The following TAF8 variants were observed in gnomAD, a reference collection of about 807,000 sequenced individuals.
The protein encoded by TAF8 is TATA-box binding protein associated factor 8.
Under a neutral mutation model 36.5 loss-of-function variants are expected in TAF8, and 47 were observed. The observed-to-expected ratio is 1.29, with a 90% CI of 1.02 to 1.64. The LOEUF (loss-of-function observed/expected upper bound fraction) is 1.64. Ranked by LOEUF, TAF8 falls within the 40% of genes most tolerant of loss-of-function variation. The pLI is 0.00. For missense variants in TAF8, 420 were observed against 407.6 expected, an observed-to-expected ratio of 1.03 and a Z score of -0.26; for synonymous variants, 175 against 159.5, an observed-to-expected ratio of 1.10 and a Z score of -0.73.
At chr6:42,060,757 A>G (rs983642916) in intron 5 of TAF8, among the ~76,000 whole-genome samples, 2 of 152,184 alleles carry the variant, frequency 1.3e-5, no homozygotes, top group Admixed American at 6.5e-5. Context: ...TAAAATAACC[A>G]ATTTCTCCAA....
At chr6:42,050,950 C>A in intron 1 of TAF8, 1 of 1,113,442 alleles carries the variant, frequency 9.0e-7, no homozygotes, top group Non-Finnish European at 1.1e-6. Context: ...CCTCTCCTCG[C>A]GGTCACCTCT....
chr6:42,066,867 A>G (rs575510170), intron 6 of TAF8, among the ~76,000 whole-genome samples: 3 of 152,244 alleles, frequency 2.0e-5, no homozygotes, highest in African/African-American at 7.2e-5. Flanking sequence ...TTCATTTCCA[A>G]AGACCTCAGT....
chr6:42,075,354 G>T (rs925079449), intron 7 of TAF8, among the ~76,000 whole-genome samples: 4 of 152,176 alleles, frequency 2.6e-5, no homozygotes, highest in African/African-American at 9.7e-5. Flanking sequence ...ACTGGATTGG[G>T]TGCTGGAGAG....
chr6:42,069,170 C>G (rs990450138), intron 7 of TAF8, among the ~76,000 whole-genome samples: 1 of 152,060 alleles, frequency 6.6e-6, no homozygotes, highest in African/African-American at 2.4e-5. Context: ...CGAGAGGGCC[C>G]ACGGGGAGTC....
downstream of TAF8, chr6:42,086,579 C>T: frequency 1.2e-6 from 1 of 852,302 alleles, no homozygotes; most frequent in South Asian, 1.5e-5. Context: ...GAGAAACAAA[C>T]CTTTTAAATC....
rs895522876 is a variant in TAF8 at position 42,079,511 on chromosome 6, A to G, written c.*1966A>G. ...GATGAATAAGCTTGTTTCCCAAATT[A>G]GAATCCTAACGTCCATATTTAGCTT... On this transcript the variant is annotated 3_prime_UTR_variant, in exon 9 of 9. Coordinates refer to ENST00000372977, the MANE Select transcript of TAF8 (RefSeq NM_138572.3). The G allele has an allele frequency of 5.2e-5, 51 of 985,420 alleles. No homozygotes were observed. The African/African-American group carries it at 8.7e-4, about 17-fold the overall frequency. The allele number at this position is 985,420 out of a possible 1,614,324, so 61.0% of individuals were successfully genotyped here.
chr6:42,055,490 A>G, intron 2 of TAF8, 41 bp from the exon 3 acceptor site: 2 of 1,350,960 alleles, frequency 1.5e-6, no homozygotes. Flanking sequence ...TAACTTTCTG[A>G]GGAACTGAGA....
intron 7 of TAF8, among the ~76,000 whole-genome samples, chr6:42,075,083 C>T (rs959852196): frequency 1.1e-4 from 17 of 152,184 alleles, no homozygotes; most frequent in East Asian, 5.8e-4. Context: ...ATTGAAGGCA[C>T]GGTTGAAGTG....
chr6:42,057,460 A>G lies in TAF8; in HGVS notation c.436A>G (p.Ile146Val), dbSNP rs1475776722. The G allele has an allele frequency of 6.2e-7, 1 of 1,614,108 alleles. No homozygotes were observed. Reference protein sequence around the residue: ...AGQNRPHPPHIPSHFPEFPDP... With the variant: ...AGQNRPHPPHVPSHFPEFPDP... ...GCAGAACCGACCCCACCCGCCGCACATCCCCAGCCATTTTCCTGAGTTCCC... is the reference window on the plus strand; with the variant it reads ...GCAGAACCGACCCCACCCGCCGCACGTCCCCAGCCATTTTCCTGAGTTCCC... Residue 146 changes from isoleucine to valine, a missense_variant, in exon 5 of 9, where the codon ATC becomes GTC. By Grantham distance (29) the Ile-to-Val change is conservative. Coordinates refer to ENST00000372977, the MANE Select transcript of TAF8 (RefSeq NM_138572.3).
intron 5 of TAF8, 73 bp from the exon 6 acceptor site, chr6:42,066,239 G>T: frequency 5.1e-6 from 8 of 1,580,468 alleles, no homozygotes; most frequent in Non-Finnish European, 6.9e-6. Context: ...CATAGCAACA[G>T]CAAGCCAGGG....
chr6:42,071,154 A>G lies in TAF8; in HGVS notation c.780+2547A>G, dbSNP rs552544373. ...CCATATTCAACCATCCTTTAAAATC[A>G]GCACTAGTTTGGATGCCTTAGTGGC... On this transcript the variant is annotated intron_variant, in intron 7 of 8. Transcript: ENST00000372977. Among the ~76,000 whole-genome samples, 51 of 152,206 alleles carry G rather than the reference A, an allele frequency of 3.4e-4. 1 individual carries two copies. In the South Asian group the frequency reaches 8.9e-3, roughly 27 times the overall value.
intron 7 of TAF8, among the ~76,000 whole-genome samples, chr6:42,073,745 ATGGGAGT>A (rs1765661087): frequency 6.6e-6 from 1 of 151,982 alleles, no homozygotes; most frequent in Admixed American, 6.6e-5. Flanking sequence ...ACTAAGAGAG[ATGGGAGT>A]TGTGGGAGGG....
chr6:42,051,117 C>T lies in TAF8; in HGVS notation c.46-240C>T, dbSNP rs867269335. 218 of 1,184,234 alleles carry T rather than the reference C, an allele frequency of 1.8e-4. 1 individual carries two copies. The Middle Eastern group carries it at 2.8e-3, about 15-fold the overall frequency. 73.4% of individuals were successfully genotyped at this position (1,184,234 alleles called of 1,614,324 possible). A position where few individuals can be genotyped will look rare whatever the true frequency, so the allele number is the denominator to read the frequency against. On this transcript the variant is annotated intron_variant, in intron 1 of 8. Transcript: ENST00000372977. Reference sequence around the variant, plus strand: ...TCTGCTAAAGTAGAAAGTAAAAGACCTGCTATTTTATCTCATTGGGACTGT... The same window carrying T: ...TCTGCTAAAGTAGAAAGTAAAAGACTTGCTATTTTATCTCATTGGGACTGT...
At chr6:42,053,554 A>G (rs951565834) in intron 2 of TAF8, among the ~76,000 whole-genome samples, 3 of 143,940 alleles carry the variant, frequency 2.1e-5, no homozygotes, top group Admixed American at 7.4e-5. Context: ...AACAAGAGCG[A>G]AACTCCGTCT....
intron 4 of TAF8, among the ~76,000 whole-genome samples, chr6:42,056,665 C>T (rs532670981): frequency 6.6e-6 from 1 of 152,272 alleles, no homozygotes; most frequent in South Asian, 2.1e-4. Context: ...TGCAGTGGCA[C>T]AATCTCGGCT....
chr6:42,065,359 TAATAA>T (rs1765326041), intron 5 of TAF8, among the ~76,000 whole-genome samples: 1 of 151,874 alleles, frequency 6.6e-6, no homozygotes, highest in African/African-American at 2.4e-5. Context: ...AAAATAAAAA[TAATAA>T]AATAAAAAGT....
chr6:42,051,696 C>CA (rs1764797695), intron 2 of TAF8, 183 bp downstream of exon 2: 2 of 550,568 alleles, frequency 3.6e-6, no homozygotes, highest in Non-Finnish European at 6.0e-6. Context: ...CGTGGTGGCT[C>CA]ACGCCTGTAA....
chr6:42,057,248 T>G, intron 4 of TAF8, 141 bp from the exon 5 acceptor site: 5 of 1,212,308 alleles, frequency 4.1e-6, no homozygotes, highest in Non-Finnish European at 5.9e-6. Flanking sequence ...AGACCTTTTA[T>G]CGATTGAAAT....
intron 1 of TAF8, 115 bp from the exon 2 acceptor site, chr6:42,051,242 A>G: frequency 1.5e-6 from 2 of 1,337,530 alleles, no homozygotes; most frequent in South Asian, 1.5e-5. Flanking sequence ...AACATTAAGC[A>G]CTGATTTTTA....
Sources: allele counts gnomAD v4.1 joint callset (sites outside exome capture counted in the v4.1 genomes callset), GRCh38; gene constraint gnomAD v4.1.1; transcripts MANE v1.5; gene names NCBI Gene and HGNC (gene_info 2026-07-23, HGNC 2026-07-21).